The following HACD4 variants were observed in gnomAD, a reference collection of about 807,000 sequenced individuals.
The protein encoded by HACD4 is very-long-chain (3R)-3-hydroxyacyl-CoA dehydratase 4.
HACD4 carries 35 observed loss-of-function variants against 33.3 expected under a neutral mutation model. The ratio of observed to expected loss-of-function variants is 1.05; its 90% confidence interval spans 0.80 to 1.39. The LOEUF is 1.39. Among genes scored for constraint, HACD4 ranks in the 40% most tolerant of loss-of-function variants. The pLI is 0.00. For synonymous variants in HACD4, 118 were observed against 98.0 expected (o/e 1.20, Z -1.21); for missense variants, 323 against 276.5 (o/e 1.17, Z -1.19).
At chr9:21,019,520 T>C (rs1462624905) in intron 3 of HACD4, among the ~76,000 whole-genome samples, 2 of 152,082 alleles carry the variant, frequency 1.3e-5, no homozygotes, top group Non-Finnish European at 2.9e-5. Context: ...ATTAGGAAAA[T>C]AAGTATTTAA....
At chr9:21,009,169 G>A (rs1291253730) in intron 5 of HACD4, among the ~76,000 whole-genome samples, 1 of 152,114 alleles carries the variant, frequency 6.6e-6, no homozygotes, top group Non-Finnish European at 1.5e-5. Flanking sequence ...GTTATCGAAA[G>A]TTTAGTAGGT....
chr9:21,003,357 T>A lies in HACD4; in HGVS notation c.*3680A>T, dbSNP rs1842197188. The A allele has an allele frequency of 6.6e-6, 1 of 152,122 alleles. No homozygotes were observed. The highest frequency in any genetic ancestry group is 2.4e-5 in the African/African-American group (1 of 41,452). 9.4% of individuals were successfully genotyped at this position (152,122 alleles called of 1,614,324 possible). Reference sequence around the variant, plus strand: ...TTGTTTTAGTGATTGATTGTACATGTACTTCGGCAGTGTAAGGAGCCATCT... The same window carrying A: ...TTGTTTTAGTGATTGATTGTACATGAACTTCGGCAGTGTAAGGAGCCATCT... On this transcript the variant is annotated 3_prime_UTR_variant, in exon 7 of 7. Coordinates refer to ENST00000495827, the MANE Select transcript of HACD4 (RefSeq NM_001010915.5).
rs1842209916 is a variant in HACD4, at chr9:21,003,951, A to G, written c.*3086T>C. 1 of 152,176 alleles carries G rather than the reference A, an allele frequency of 6.6e-6. No homozygotes were observed. Among genetic ancestry groups the G allele is most frequent in the Non-Finnish European group, 1.5e-5 (1 of 68,034 alleles). The allele number at this position is 152,176 out of a possible 1,614,324, so 9.4% of individuals were successfully genotyped here. A position where few individuals can be genotyped will look rare whatever the true frequency, so the allele number is the denominator to read the frequency against. ...GTGTGTGTCATTATTTTTAAAATTA[A>G]AAAGAATACAGAATGGGGCATCATT... On this transcript the variant is annotated 3_prime_UTR_variant, in exon 7 of 7. Coordinates refer to ENST00000495827, the MANE Select transcript of HACD4 (RefSeq NM_001010915.5).
chr9:21,029,207 T>C (rs780746340), intron 2 of HACD4, 88 bp downstream of exon 2: 1 of 745,132 alleles, frequency 1.3e-6, no homozygotes. Context: ...TATTAGAAGG[T>C]TGAGGTGTGT....
intron 1 of HACD4, among the ~76,000 whole-genome samples, chr9:21,030,048 T>C (rs1456193777): frequency 1.3e-5 from 2 of 152,172 alleles, no homozygotes; most frequent in Non-Finnish European, 2.9e-5. Context: ...AATATAGTGC[T>C]TTTTCAAAAT....
chr9:21,022,526 A>G (rs1253244695), intron 3 of HACD4, among the ~76,000 whole-genome samples: 1 of 152,214 alleles, frequency 6.6e-6, no homozygotes, highest in African/African-American at 2.4e-5. Flanking sequence ...ATTTACAGGA[A>G]AAAAAATCAA....
chr9:21,029,487 T>C (rs908366835), intron 1 of HACD4, 89 bp from the exon 2 acceptor site: 2 of 744,760 alleles, frequency 2.7e-6, no homozygotes, highest in Non-Finnish European at 4.3e-6. Flanking sequence ...CTGGCCAACC[T>C]GAGAAAGCAA....
chr9:21,008,182 C>T (rs548304429), intron 5 of HACD4, 36 bp from the exon 6 acceptor site: 184 of 1,574,060 alleles, frequency 1.2e-4, no homozygotes, highest in Admixed American at 2.8e-4. Context: ...AGGTATTCCT[C>T]CTTAAGTTGT....
At chr9:21,013,647 CA>C (rs537963173) in intron 4 of HACD4, among the ~76,000 whole-genome samples, 1 of 152,144 alleles carries the variant, frequency 6.6e-6, no homozygotes, top group Non-Finnish European at 1.5e-5. Context: ...GATGTCCTTT[CA>C]TTTATTTAGC....
intron 6 of HACD4, 64 bp from the exon 7 acceptor site, chr9:21,007,183 C>A (rs2132765851): frequency 1.1e-6 from 1 of 879,228 alleles, no homozygotes; most frequent in South Asian, 1.3e-5. Flanking sequence ...AGAAACAATG[C>A]TTTTAAAATA....
chr9:21,027,266 A>C (rs1818085988), intron 2 of HACD4, among the ~76,000 whole-genome samples: 1 of 152,190 alleles, frequency 6.6e-6, no homozygotes, highest in Admixed American at 6.5e-5. Flanking sequence ...TTTGTTAAAC[A>C]CTGGAACTTG....
At position 20,999,740 on chromosome 9, in the gene HACD4, G is replaced by C. The variant is rs760909280; in HGVS notation, c.*7297C>G. 6.6e-6 allele frequency: 1 copy of C among 152,162 alleles called. No individual in the cohort carries two copies. The highest frequency in any genetic ancestry group is 1.5e-5 in the Non-Finnish European group (1 of 68,024). The allele number at this position is 152,162 out of a possible 1,614,324, so 9.4% of individuals were successfully genotyped here. On this transcript the variant is annotated 3_prime_UTR_variant, in exon 7 of 7. Coordinates refer to ENST00000495827, the MANE Select transcript of HACD4 (RefSeq NM_001010915.5). ...GTAGTAGTGGCGTTCTTTAAAGATAGAGTTGCACACACAATTATGGGTGTC... is the reference window on the plus strand; with the variant it reads ...GTAGTAGTGGCGTTCTTTAAAGATACAGTTGCACACACAATTATGGGTGTC...
Position 21,002,308 on chromosome 9 carries a change from G to A in HACD4, c.*4729C>T, listed in dbSNP as rs1183643245. ...AAAAGACGTAATGCAGGAAATGAGG[G>A]ACAAAAAAGCTAAGCTATGTAGAAA... is the stretch of plus-strand genomic sequence containing the variant. On this transcript the variant is annotated 3_prime_UTR_variant, in exon 7 of 7. Transcript: ENST00000495827. The A allele has an allele frequency of 6.6e-6, 1 of 151,988 alleles. No individual in the cohort carries two copies. The highest frequency in any genetic ancestry group is 1.9e-4 in the East Asian group (1 of 5,198). 9.4% of individuals were successfully genotyped at this position (151,988 alleles called of 1,614,324 possible). A position where few individuals can be genotyped will look rare whatever the true frequency, so the allele number is the denominator to read the frequency against.
At chr9:21,020,368 T>C (rs935353161) in intron 3 of HACD4, among the ~76,000 whole-genome samples, 9 of 152,182 alleles carry the variant, frequency 5.9e-5, no homozygotes, top group African/African-American at 2.2e-4. Flanking sequence ...TCTAATGTTA[T>C]GACACAAAGG....
chr9:21,015,635 A>G (rs1842537940), intron 4 of HACD4: 1 of 303,896 alleles, frequency 3.3e-6, no homozygotes, highest in Non-Finnish European at 6.1e-6. Context: ...GCTGAGGGTT[A>G]TTCCAAGTTG....
chr9:21,024,735 T>A (rs1818019345), intron 3 of HACD4, among the ~76,000 whole-genome samples: 1 of 152,202 alleles, frequency 6.6e-6, no homozygotes, highest in Admixed American at 6.5e-5. Flanking sequence ...AATAATTAAA[T>A]AACACTACTT....
intron 3 of HACD4, among the ~76,000 whole-genome samples, chr9:21,021,065 T>G (rs1817896435): frequency 6.6e-6 from 1 of 152,200 alleles, no homozygotes; most frequent in Admixed American, 6.5e-5. Flanking sequence ...GATGCAAGGC[T>G]GGTTCAACAT....
At position 21,021,258 on chromosome 9, in the gene HACD4, C is replaced by T. The variant is rs1300207232; in HGVS notation, c.271-5248G>A. ...ATAATAAGAGCTATTTATGACAAACCGACAGCCAATATCATACTGAATTGG... is the reference window on the plus strand; with the variant it reads ...ATAATAAGAGCTATTTATGACAAACTGACAGCCAATATCATACTGAATTGG... On this transcript the variant is annotated intron_variant, in intron 3 of 6. Transcript: ENST00000495827. 9.2e-5 allele frequency among the ~76,000 whole-genome samples: 14 copies of T among 152,180 alleles called. No homozygotes were observed. The South Asian group carries it at 1.9e-3, about 20-fold the overall frequency.
intron 3 of HACD4, among the ~76,000 whole-genome samples, chr9:21,024,770 A>T (rs1333402570): frequency 1.3e-5 from 2 of 152,240 alleles, no homozygotes; most frequent in African/African-American, 4.8e-5. Flanking sequence ...GTTTACCATG[A>T]AACTAGTAGC....
Sources: gnomAD v4.1 joint callset for allele counts (sites outside exome capture counted in the v4.1 genomes callset) on GRCh38, gnomAD v4.1.1 for gene constraint, MANE v1.5 for transcripts, NCBI Gene and HGNC (gene_info 2026-07-23, HGNC 2026-07-21) for gene names.